Variants in VWC2 observed in about 807,000 individuals in gnomAD.
VWC2 encodes the protein von Willebrand factor C domain containing 2, also known as brorin.
In VWC2, 14 loss-of-function variants were observed where a neutral mutation model predicts 29.8. The observed-to-expected ratio is 0.47, with a 90% CI of 0.31 to 0.74. The LOEUF is 0.74. Ranked by LOEUF, VWC2 falls within the 30% of genes least tolerant of loss-of-function variation. The pLI is 0.05. For synonymous variants in VWC2, 213 were observed against 199.0 expected (o/e 1.07, Z -0.59); for missense variants, 457 against 459.8 (o/e 0.99, Z 0.05).
intron 3 of VWC2, among the ~76,000 whole-genome samples, chr7:49,887,510 G>T (rs534736830): frequency 2.3e-4 from 29 of 124,206 alleles, no homozygotes; most frequent in African/African-American, 9.1e-4. Context: ...TGTAATTGTG[G>T]GGTATTAGAT....
intron 3 of VWC2, chr7:49,901,172 C>T (rs1792704526): frequency 6.6e-6 from 1 of 151,884 alleles, no homozygotes; most frequent in Non-Finnish European, 1.5e-5. Context: ...AAGGCTGTCT[C>T]CTTTCTTCAT....
chr7:49,774,116 A>C lies in VWC2; in HGVS notation c.-104+3A>C, dbSNP rs1198812116. 1 of 151,822 alleles carries C rather than the reference A, an allele frequency of 6.6e-6. No homozygotes were observed. The highest frequency in any genetic ancestry group is 2.0e-4 in the East Asian group (1 of 5,068). 9.4% of individuals were successfully genotyped at this position (151,822 alleles called of 1,614,324 possible). On this transcript the variant is annotated splice_donor_region_variant and intron_variant, in intron 1 of 3. Coordinates refer to ENST00000340652, the MANE Select transcript of VWC2 (RefSeq NM_198570.5). Reference sequence around the variant, plus strand: ...TCCGGCCCGCGCCCTGCGCTCATGTATGTAGGTTTGGCGCCGGTCTTCAGG... The same window carrying C: ...TCCGGCCCGCGCCCTGCGCTCATGTCTGTAGGTTTGGCGCCGGTCTTCAGG...
intron 3 of VWC2, among the ~76,000 whole-genome samples, chr7:49,900,233 T>G (rs1231680240): frequency 6.6e-6 from 1 of 151,668 alleles, no homozygotes; most frequent in Non-Finnish European, 1.5e-5. Flanking sequence ...AGAAGAAATC[T>G]AAAACCAATA....
chr7:49,817,077 G>A (rs1045110551), intron 3 of VWC2, among the ~76,000 whole-genome samples: 1 of 152,134 alleles, frequency 6.6e-6, no homozygotes, highest in African/African-American at 2.4e-5. Context: ...GAACACTATG[G>A]CAGTTTGCCC....
At chr7:49,801,604 T>G (rs559346787) in intron 2 of VWC2, among the ~76,000 whole-genome samples, 1 of 152,240 alleles carries the variant, frequency 6.6e-6, no homozygotes, top group Non-Finnish European at 1.5e-5. Context: ...AGCCCATGGC[T>G]GGAAAGTAGA....
intron 3 of VWC2, among the ~76,000 whole-genome samples, chr7:49,888,560 C>G (rs1371306904): frequency 6.6e-6 from 1 of 152,136 alleles, no homozygotes; most frequent in Non-Finnish European, 1.5e-5. Flanking sequence ...AGCAGGCCTC[C>G]CTGAAGCCTC....
intron 3 of VWC2, among the ~76,000 whole-genome samples, chr7:49,874,546 A>ATG (rs1216689956): frequency 8.8e-5 from 7 of 79,970 alleles, no homozygotes; most frequent in African/African-American, 3.0e-4. Flanking sequence ...GCATGACTAT[A>ATG]TATGTGTGTG....
Position 49,776,058 on chromosome 7 carries a change from GC to G in VWC2, c.626del (p.Pro209ArgfsTer77). The G allele has an allele frequency of 1.3e-6, 2 of 1,553,986 alleles. No homozygotes were observed. On this transcript the variant is annotated frameshift_variant, in exon 2 of 4. Transcript: ENST00000340652. LOFTEE classifies it high-confidence loss of function. ...RCIHVDTSQC[C>X]PQCKERKNYC... ...ATCCACGTCGACACGAGCCAGTGCTGCCCGCAGTGCAAGGAGAGGAAGAACT... is the reference window on the plus strand; with the variant it reads ...ATCCACGTCGACACGAGCCAGTGCTGCCGCAGTGCAAGGAGAGGAAGAACT...
intron 3 of VWC2, among the ~76,000 whole-genome samples, chr7:49,811,910 A>G (rs1431196732): frequency 1.3e-5 from 2 of 152,220 alleles, no homozygotes; most frequent in African/African-American, 4.8e-5. Flanking sequence ...TAATGGCCAA[A>G]GAGTGGAAAT....
At position 49,912,411 on chromosome 7, in the gene VWC2, G is replaced by T; in HGVS notation, c.*226G>T. The stretch of plus-strand genomic sequence containing the variant: ...GCATAAAATCCTTCTCTAAATAAAT[G>T]TGCTATTTTCACAGTAAGTACACAA... On this transcript the variant is annotated 3_prime_UTR_variant, in exon 4 of 4. Transcript: ENST00000340652. 1 of 448,948 alleles carries T rather than the reference G, an allele frequency of 2.2e-6. No individual in the cohort carries two copies. Among genetic ancestry groups the T allele is most frequent in the South Asian group, 3.2e-5 (1 of 30,858 alleles). 27.8% of individuals were successfully genotyped at this position (448,948 alleles called of 1,614,324 possible). A position where few individuals can be genotyped will look rare whatever the true frequency, so the allele number is the denominator to read the frequency against.
chr7:49,852,716 C>CA (rs1790231448), intron 3 of VWC2, among the ~76,000 whole-genome samples: 1 of 152,158 alleles, frequency 6.6e-6, no homozygotes, highest in African/African-American at 2.4e-5. Flanking sequence ...TCCTACAGAT[C>CA]AAAATCTGCG....
chr7:49,889,870 A>G (rs1328881983), intron 3 of VWC2, among the ~76,000 whole-genome samples: 1 of 152,218 alleles, frequency 6.6e-6, no homozygotes, highest in African/African-American at 2.4e-5. Context: ...ATTCTGAAAT[A>G]GGGAGACCAT....
intron 3 of VWC2, among the ~76,000 whole-genome samples, chr7:49,845,869 G>A (rs1789930982): frequency 6.6e-6 from 1 of 152,170 alleles, no homozygotes; most frequent in Admixed American, 6.5e-5. Flanking sequence ...GAGTTAGTGT[G>A]AGTGCGTGTG....
intron 3 of VWC2, among the ~76,000 whole-genome samples, chr7:49,896,727 TA>T (rs1792400888): frequency 6.6e-6 from 1 of 152,006 alleles, no homozygotes; most frequent in South Asian, 2.1e-4. Context: ...CAACAGACAT[TA>T]AAAAGAAAAT....
intron 3 of VWC2, among the ~76,000 whole-genome samples, chr7:49,869,391 G>A (rs1415992312): frequency 1.3e-5 from 2 of 151,890 alleles, no homozygotes; most frequent in African/African-American, 4.8e-5. Flanking sequence ...AGAAGGGGAG[G>A]AAGGACTATT....
At chr7:49,853,401 G>A (rs1176363397) in intron 3 of VWC2, among the ~76,000 whole-genome samples, 1 of 152,206 alleles carries the variant, frequency 6.6e-6, no homozygotes, top group Non-Finnish European at 1.5e-5. Flanking sequence ...GATGCTGGCA[G>A]CCAGCCTATC....
chr7:49,881,754 T>C (rs548980974), intron 3 of VWC2, among the ~76,000 whole-genome samples: 5 of 152,300 alleles, frequency 3.3e-5, no homozygotes, highest in Middle Eastern at 3.4e-3. Context: ...TTCATCTCTT[T>C]AATTCATCTC....
intron 2 of VWC2, among the ~76,000 whole-genome samples, chr7:49,782,076 G>A (rs1197255443): frequency 6.6e-6 from 1 of 152,190 alleles, no homozygotes; most frequent in Non-Finnish European, 1.5e-5. Flanking sequence ...TTGTTTACTA[G>A]TGCCTGTATT....
intron 3 of VWC2, among the ~76,000 whole-genome samples, chr7:49,880,998 C>T (rs753343823): frequency 2.2e-4 from 34 of 152,154 alleles, no homozygotes; most frequent in Non-Finnish European, 4.0e-4. Flanking sequence ...ATCCTTTGTA[C>T]AATAAGTGAT....
Sources: allele counts gnomAD v4.1 joint callset (sites outside exome capture counted in the v4.1 genomes callset), GRCh38; gene constraint gnomAD v4.1.1; transcripts MANE v1.5; gene names NCBI Gene and HGNC (gene_info 2026-07-23, HGNC 2026-07-21).